The following SNX3 variants were observed in gnomAD, a reference collection of about 807,000 sequenced individuals.
SNX3 encodes sorting nexin 3, also known as sorting nexin-3.
A neutral mutation model predicts 17.7 loss-of-function variants in SNX3; 5 were observed. The observed-to-expected ratio is 0.28, with a 90% confidence interval of 0.15 to 0.59. The LOEUF (loss-of-function observed/expected upper bound fraction) is 0.59, where lower values mean the gene tolerates loss of function less well. Among genes scored for constraint, SNX3 ranks in the 20% least tolerant of loss-of-function variants. The probability of loss-of-function intolerance (pLI) is 0.88; values close to 1 mark genes in which losing one functional copy is unlikely to be tolerated. For synonymous variants in SNX3, 91 were observed against 76.5 expected (o/e 1.19, Z -0.99); for missense variants, 132 against 206.8 (o/e 0.64, Z 2.22).
At chr6:108,259,119 G>A (rs1776113835) in intron 1 of SNX3, among the ~76,000 whole-genome samples, 1 of 152,210 alleles carries the variant, frequency 6.6e-6, no homozygotes, top group Non-Finnish European at 1.5e-5. Flanking sequence ...ATGTATTACA[G>A]ACAATTAGAA....
chr6:108,230,141 C>T (rs897423342), intron 1 of SNX3, among the ~76,000 whole-genome samples: 1 of 151,650 alleles, frequency 6.6e-6, no homozygotes, highest in African/African-American at 2.4e-5. Flanking sequence ...TAGATTTACC[C>T]AGAAAGAATG....
At chr6:108,220,685 G>T (rs1774735221) in intron 2 of SNX3, among the ~76,000 whole-genome samples, 1 of 152,054 alleles carries the variant, frequency 6.6e-6, no homozygotes, top group African/African-American at 2.4e-5. Flanking sequence ...ATAGCCTTAA[G>T]ATATGTTTTG....
intron 1 of SNX3, among the ~76,000 whole-genome samples, chr6:108,238,537 G>A (rs1324090987): frequency 6.6e-6 from 1 of 152,068 alleles, no homozygotes; most frequent in Non-Finnish European, 1.5e-5. Context: ...GCCTGAGGTA[G>A]GCGGATCCTT....
chr6:108,236,378 ATTT>A (rs1184591793), intron 1 of SNX3, among the ~76,000 whole-genome samples: 18 of 133,432 alleles, frequency 1.3e-4, no homozygotes, highest in African/African-American at 2.8e-4. Flanking sequence ...TATTATTATT[ATTT>A]TTTTTTTTTT....
intron 1 of SNX3, among the ~76,000 whole-genome samples, chr6:108,238,848 A>G (rs1168285146): frequency 6.6e-6 from 1 of 151,892 alleles, no homozygotes; most frequent in African/African-American, 2.4e-5. Context: ...GTATAATTCA[A>G]TATTTGCTTT....
chr6:108,239,929 G>A (rs1194286407), intron 1 of SNX3, among the ~76,000 whole-genome samples: 1 of 152,014 alleles, frequency 6.6e-6, no homozygotes, highest in Non-Finnish European at 1.5e-5. Flanking sequence ...AAGAGTAAAA[G>A]CATAATAATG....
chr6:108,229,222 T>C (rs1396010361), intron 1 of SNX3, among the ~76,000 whole-genome samples: 13 of 136,654 alleles, frequency 9.5e-5, no homozygotes, highest in Non-Finnish European at 2.0e-4. Context: ...ATCATGCCAC[T>C]GCACTCCAGC....
In SNX3 at chr6:108,229,190, G is replaced by A. The variant is rs1775062004; in HGVS notation, c.163-6145C>T. ...CAGGATAATCGCTTGAACCCGGGAG[G>A]CGGAGGTTGCAGTGAGGTGAGATCA... is the stretch of plus-strand genomic sequence containing the variant. On this transcript the variant is annotated intron_variant, in intron 1 of 3. Coordinates refer to ENST00000230085, the MANE Select transcript of SNX3 (RefSeq NM_003795.6). Among the ~76,000 whole-genome samples, 4 of 151,016 alleles carry A rather than the reference G, an allele frequency of 2.6e-5. No individual in the cohort carries two copies. The South Asian group carries it at 8.4e-4, about 32-fold the overall frequency.
chr6:108,219,842 AAC>A (rs1385280277), intron 2 of SNX3, among the ~76,000 whole-genome samples: 2 of 152,186 alleles, frequency 1.3e-5, no homozygotes, highest in African/African-American at 4.8e-5. Flanking sequence ...TACACTGCAT[AAC>A]AGTGTTTCCC....
chr6:108,221,687 A>T (rs1774778883), intron 2 of SNX3, among the ~76,000 whole-genome samples: 1 of 151,840 alleles, frequency 6.6e-6, no homozygotes, highest in African/African-American at 2.4e-5. Context: ...CTGGGACTAC[A>T]GGTGCATGTC....
intron 2 of SNX3, among the ~76,000 whole-genome samples, chr6:108,218,842 T>G (rs1341945118): frequency 6.6e-6 from 1 of 152,178 alleles, no homozygotes; most frequent in African/African-American, 2.4e-5. Context: ...GTGGTTGCCA[T>G]AGGCTGAGTG....
In SNX3 at chr6:108,260,774, CG is replaced by C; in HGVS notation, c.147del (p.Tyr49Ter). The part of the protein sequence containing the change: ...VGVGRGRFTT[Y>X]EIRVKTNLPI... ...GACGGCCTCACCTTGACCCTGATTTCGTAAGTGGTGAAGCGGCCCCGGCCGA... is the reference window on the plus strand; with the variant it reads ...GACGGCCTCACCTTGACCCTGATTTCTAAGTGGTGAAGCGGCCCCGGCCGA... On this transcript the variant is annotated frameshift_variant, in exon 1 of 4. Transcript: ENST00000230085. LOFTEE classifies it high-confidence loss of function. 1 of 1,613,848 alleles carries C rather than the reference CG, an allele frequency of 6.2e-7. No individual in the cohort carries two copies. The highest frequency in any genetic ancestry group is 8.5e-7 in the Non-Finnish European group (1 of 1,179,836).
chr6:108,253,945 G>A (rs1427055095), intron 1 of SNX3, among the ~76,000 whole-genome samples: 4 of 152,130 alleles, frequency 2.6e-5, no homozygotes, highest in African/African-American at 9.6e-5. Flanking sequence ...CTAACAAGGT[G>A]AAACACCATC....
chr6:108,231,109 GT>G (rs35263877), intron 1 of SNX3, among the ~76,000 whole-genome samples: 4,352 of 142,998 alleles, frequency 0.03, 140 homozygotes, highest in South Asian at 0.092. Flanking sequence ...CTCTGGTGGT[GT>G]TTTTTTTTTT....
intron 1 of SNX3, among the ~76,000 whole-genome samples, chr6:108,254,971 G>T (rs1170158253): frequency 2.0e-5 from 3 of 152,182 alleles, no homozygotes; most frequent in African/African-American, 7.2e-5. Flanking sequence ...AGGATCAGTT[G>T]ATCAGCTTCT....
In SNX3 at chr6:108,225,064, C is replaced by T. The variant is rs866831190; in HGVS notation, c.163-2019G>A. Among the ~76,000 whole-genome samples the T allele has an allele frequency of 3.3e-5, 5 of 152,186 alleles. 1 individual carries two copies. Among genetic ancestry groups the T allele is most frequent in the Middle Eastern group, 6.8e-3 (2 of 294 alleles). On this transcript the variant is annotated intron_variant, in intron 1 of 3. Transcript: ENST00000230085. ...TTGAAAGGCTGAGGCGGGCGGATCA[C>T]GAGGTCAGGAGATCGAGACCATCCT... is the stretch of plus-strand genomic sequence containing the variant.
In SNX3 at chr6:108,222,968, T is replaced by C. The variant is rs1774847716; in HGVS notation, c.240A>G (p.Glu80=). 4 of 1,599,700 alleles carry C rather than the reference T, an allele frequency of 2.5e-6. No homozygotes were observed. Among genetic ancestry groups the C allele is most frequent in the Non-Finnish European group, 3.4e-6 (4 of 1,168,788 alleles). The stretch of plus-strand genomic sequence containing the variant: ...TTCTTACCTTGCTCTCTCTTTCTAA[T>C]TCACTTCGCAGCCATTCAAAGTCAC... ...RYSDFEWLRS[E]LERESKVVVP... Residue 80 remains glutamate, a synonymous_variant, in exon 2 of 4, where the codon GAA becomes GAG. Coordinates refer to ENST00000230085, the MANE Select transcript of SNX3 (RefSeq NM_003795.6).
At chr6:108,225,057 C>T (rs1360593918) in intron 1 of SNX3, among the ~76,000 whole-genome samples, 3 of 151,966 alleles carry the variant, frequency 2.0e-5, no homozygotes, top group South Asian at 2.1e-4. Context: ...CTGAGGCGGG[C>T]GGATCACGAG....
chr6:108,240,710 CA>C (rs1014405517), intron 1 of SNX3, among the ~76,000 whole-genome samples: 3 of 152,124 alleles, frequency 2.0e-5, no homozygotes, highest in Non-Finnish European at 4.4e-5. Flanking sequence ...ACATTGGCAG[CA>C]AACAGTGGGG....
Sources: gnomAD v4.1 joint callset for allele counts (sites outside exome capture counted in the v4.1 genomes callset) on GRCh38, gnomAD v4.1.1 for gene constraint, MANE v1.5 for transcripts, NCBI Gene and HGNC (gene_info 2026-07-23, HGNC 2026-07-21) for gene names.